The following ANKRD28 variants were observed in gnomAD, a reference collection of about 807,000 sequenced individuals.
ANKRD28 encodes the protein serine/threonine-protein phosphatase 6 regulatory ankyrin repeat subunit A.
A neutral mutation model predicts 126.5 loss-of-function variants in ANKRD28; 44 were observed. The ratio of observed to expected loss-of-function variants is 0.35; its 90% confidence interval spans 0.27 to 0.45. The LOEUF (loss-of-function observed/expected upper bound fraction) is 0.45. Ranked by LOEUF, ANKRD28 falls within the 20% of genes least tolerant of loss-of-function variation. The pLI is 1.00. For synonymous variants in ANKRD28, 442 were observed against 468.5 expected (o/e 0.94, Z 0.73); for missense variants, 1,110 against 1,316.6 (o/e 0.84, Z 2.43).
rs549678128 is a variant in ANKRD28 at position 15,719,276 on chromosome 3, C to T, written c.996+1639G>A. On this transcript the variant is annotated intron_variant, in intron 8 of 27. Coordinates refer to ENST00000683139, the MANE Select transcript of ANKRD28 (RefSeq NM_001349278.2). Reference sequence around the variant, plus strand: ...ACCCGTGGCATCATTAAAGGCTTCACTGAAGTTAGGTGAGAAAATCTCATG... The same window carrying T: ...ACCCGTGGCATCATTAAAGGCTTCATTGAAGTTAGGTGAGAAAATCTCATG... 2.2e-4 allele frequency among the ~76,000 whole-genome samples: 33 copies of T among 152,250 alleles called. No individual in the cohort carries two copies. The South Asian group carries it at 3.5e-3, about 16-fold the overall frequency.
In ANKRD28 at chr3:15,816,854, T is replaced by C. The variant is rs1056669243; in HGVS notation, c.28-21548A>G. Among the ~76,000 whole-genome samples the C allele has an allele frequency of 9.9e-5, 15 of 152,160 alleles. No individual in the cohort carries two copies. The highest frequency in any genetic ancestry group is 1.6e-4 in the Non-Finnish European group (11 of 68,022). On this transcript the variant is annotated intron_variant, in intron 1 of 27. Transcript: ENST00000399451. This position sits in a 1 kb window ranked among gnomAD's most constrained non-coding sequence, Gnocchi z 5.0. ...AGTAAATATGTGCATAGGTTGTGCA[T>C]AGATTAATCATAGAGTTAAAACACA... is the stretch of plus-strand genomic sequence containing the variant.
intron 3 of ANKRD28, among the ~76,000 whole-genome samples, chr3:15,763,763 CAG>C (rs1158472568): frequency 6.6e-6 from 1 of 152,082 alleles, no homozygotes; most frequent in Non-Finnish European, 1.5e-5. Flanking sequence ...GAATTCAAGT[CAG>C]AAGAAATCTG....
At chr3:15,713,476 T>C in intron 10 of ANKRD28, 51 bp downstream of exon 10, 1 of 1,427,988 alleles carries the variant, frequency 7.0e-7, no homozygotes, top group South Asian at 1.2e-5. Context: ...TGCAGTTCAC[T>C]TCCCTTTGTG....
In ANKRD28 at chr3:15,795,206, T is replaced by C. The variant is rs1328663349; in HGVS notation, c.201+17A>G. 2.6e-6 allele frequency: 4 copies of C among 1,543,258 alleles called. No homozygotes were observed. Among genetic ancestry groups the C allele is most frequent in the African/African-American group, 1.4e-5 (1 of 72,760 alleles). On this transcript the variant is annotated intron_variant, in intron 2 of 27. Coordinates refer to ENST00000683139, the MANE Select transcript of ANKRD28 (RefSeq NM_001349278.2). ...AAGCAGTTTTAAAGGCTGGCATCAG[T>C]GAATTAACTGTTTTACCTGAAAGTT...
At chr3:15,857,284 CATTT>C (rs1486892135) in intron 1 of ANKRD28, among the ~76,000 whole-genome samples, 1 of 152,054 alleles carries the variant, frequency 6.6e-6, no homozygotes, top group East Asian at 1.9e-4. Flanking sequence ...TTACAAGTGA[CATTT>C]ATTTATTTAT....
intron 8 of ANKRD28, among the ~76,000 whole-genome samples, chr3:15,716,384 A>T (rs2073051239): frequency 6.7e-6 from 1 of 150,212 alleles, no homozygotes; most frequent in African/African-American, 2.5e-5. Flanking sequence ...CTTGAACTCT[A>T]GGGTTCAAGT....
intron 4 of ANKRD28, among the ~76,000 whole-genome samples, chr3:15,743,891 A>T (rs953833659): frequency 2.6e-5 from 4 of 152,204 alleles, no homozygotes. Flanking sequence ...GTTCTCTTCT[A>T]TGCATCTATC....
Position 15,812,486 on chromosome 3 carries a change from T to C in ANKRD28, c.28-17180A>G, listed in dbSNP as rs2060736758. On this transcript the variant is annotated intron_variant, in intron 1 of 27. Coordinates refer to the ANKRD28 transcript ENST00000399451. The surrounding 1 kb of genome is among the most constrained non-coding windows in gnomAD (Gnocchi z 4.1). Reference sequence around the variant, plus strand: ...GACTCTGCCTTTTCTCCAACACACATTCCAGGAAAGAAAAGGTAAACTGGC... The same window carrying C: ...GACTCTGCCTTTTCTCCAACACACACTCCAGGAAAGAAAAGGTAAACTGGC... Among the ~76,000 whole-genome samples the C allele has an allele frequency of 6.6e-6, 1 of 152,194 alleles. No individual in the cohort carries two copies. The highest frequency in any genetic ancestry group is 6.5e-5 in the Admixed American group (1 of 15,274).
At chr3:15,706,074 TGTG>T (rs1189129240) in intron 14 of ANKRD28, among the ~76,000 whole-genome samples, 14 of 150,902 alleles carry the variant, frequency 9.3e-5, no homozygotes, top group Admixed American at 2.0e-4. Context: ...TTTTTTTTTG[TGTG>T]TGTGTGATTC....
chr3:15,678,430 G>A (rs1575103418), intron 23 of ANKRD28, 76 bp from the exon 24 acceptor site: 1 of 1,402,642 alleles, frequency 7.1e-7, no homozygotes, highest in Non-Finnish European at 9.6e-7. Flanking sequence ...TTTAATTTGT[G>A]ACATGCTGTT....
At chr3:15,714,843 T>C (rs1219105820) in intron 8 of ANKRD28, among the ~76,000 whole-genome samples, 187 bp from the exon 9 acceptor site, 1 of 152,176 alleles carries the variant, frequency 6.6e-6, no homozygotes, top group Non-Finnish European at 1.5e-5. Flanking sequence ...ACGTGTATCA[T>C]AAAACACAAA....
chr3:15,857,544 C>CA (rs1371487087), intron 1 of ANKRD28, among the ~76,000 whole-genome samples: 1 of 152,220 alleles, frequency 6.6e-6, no homozygotes, highest in Non-Finnish European at 1.5e-5. Context: ...CTCGGCCTCT[C>CA]AAAGTGTTGG....
intron 17 of ANKRD28, among the ~76,000 whole-genome samples, chr3:15,692,946 G>A (rs111836451): frequency 0.019 from 2,926 of 152,178 alleles, 100 homozygotes; most frequent in African/African-American, 0.066. Context: ...AGGAAATTCA[G>A]CCACATGCTA....
intron 1 of ANKRD28, among the ~76,000 whole-genome samples, chr3:15,818,515 C>G (rs2060879277): frequency 6.6e-6 from 1 of 152,192 alleles, no homozygotes; most frequent in African/African-American, 2.4e-5. Context: ...ACAAACACAT[C>G]TAGTCCCAAG....
chr3:15,743,075 C>A (rs1331171767), intron 4 of ANKRD28, among the ~76,000 whole-genome samples: 1 of 151,990 alleles, frequency 6.6e-6, no homozygotes, highest in Non-Finnish European at 1.5e-5. Flanking sequence ...GGTGACCCTA[C>A]CCCCAACCCT....
intron 7 of ANKRD28, among the ~76,000 whole-genome samples, chr3:15,722,588 C>T (rs2073844641): frequency 1.3e-5 from 2 of 152,186 alleles, no homozygotes. Context: ...GCCCTCTAAA[C>T]TTATAGTTGG....
intron 17 of ANKRD28, among the ~76,000 whole-genome samples, chr3:15,693,349 G>C (rs941970061): frequency 3.3e-5 from 5 of 151,544 alleles, no homozygotes; most frequent in Non-Finnish European, 7.4e-5. Context: ...GAGAGAGAGA[G>C]ACCGACCCAC....
In ANKRD28 at chr3:15,812,654, C is replaced by T. The variant is rs532716908; in HGVS notation, c.28-17348G>A. Reference sequence around the variant, plus strand: ...TTTGGGAACAGAATTAGGATAGGGGCATTGTTAAAATTCATCTAAAGCCTT... The same window carrying T: ...TTTGGGAACAGAATTAGGATAGGGGTATTGTTAAAATTCATCTAAAGCCTT... On this transcript the variant is annotated intron_variant, in intron 1 of 27. Coordinates refer to the ANKRD28 transcript ENST00000399451. This position sits in a 1 kb window ranked among gnomAD's most constrained non-coding sequence, Gnocchi z 4.1. Among the ~76,000 whole-genome samples, 12 of 152,276 alleles carry T rather than the reference C, an allele frequency of 7.9e-5. No individual in the cohort carries two copies. Among genetic ancestry groups the T allele is most frequent in the African/African-American group, 2.9e-4 (12 of 41,538 alleles).
intron 3 of ANKRD28, among the ~76,000 whole-genome samples, chr3:15,761,439 A>G (rs146059292): frequency 4.6e-5 from 7 of 152,298 alleles, no homozygotes; most frequent in Non-Finnish European, 1.0e-4. Context: ...AACTCAACTT[A>G]CCATAATTCA....
Sources: allele counts gnomAD v4.1 joint callset (sites outside exome capture counted in the v4.1 genomes callset), GRCh38; gene constraint gnomAD v4.1.1; non-coding constraint Gnocchi (gnomAD v3.1); transcripts MANE v1.5; gene names NCBI Gene and HGNC (gene_info 2026-07-23, HGNC 2026-07-21).